Variants in POU6F1 observed in about 807,000 individuals in gnomAD.
POU6F1 encodes POU class 6 homeobox 1.
A neutral mutation model predicts 28.9 loss-of-function variants in POU6F1; 9 were observed. The ratio of observed to expected loss-of-function variants is 0.31; its 90% confidence interval spans 0.19 to 0.54. The LOEUF (loss-of-function observed/expected upper bound fraction) is 0.54. POU6F1 is among the 20% of genes least tolerant of loss of function. POU6F1 has a pLI of 0.94. For missense variants in POU6F1, 338 were observed against 426.1 expected, an observed-to-expected ratio of 0.79 and a Z score of 1.82; for synonymous variants, 173 against 171.1, an observed-to-expected ratio of 1.01 and a Z score of -0.09.
At chr12:51,210,152 C>T (rs1229082930) in intron 1 of POU6F1, among the ~76,000 whole-genome samples, 1 of 152,068 alleles carries the variant, frequency 6.6e-6, no homozygotes, top group Non-Finnish European at 1.5e-5. Context: ...TGAGGTCTCA[C>T]TATGTTGCCA....
At chr12:51,213,227 G>A (rs979773009) in intron 1 of POU6F1, among the ~76,000 whole-genome samples, 3 of 150,408 alleles carry the variant, frequency 2.0e-5, no homozygotes, top group South Asian at 2.1e-4. Context: ...GTGAGCCACC[G>A]CGCCCGGCCT....
At position 51,190,595 on chromosome 12, in the gene POU6F1, G is replaced by A; in HGVS notation, c.1491-3C>T. The A allele has an allele frequency of 6.2e-7, 1 of 1,611,768 alleles. No individual in the cohort carries two copies. Among genetic ancestry groups the A allele is most frequent in the Non-Finnish European group, 8.5e-7 (1 of 1,178,430 alleles). On this transcript the variant is annotated splice_region_variant and splice_polypyrimidine_tract_variant and intron_variant, in intron 10 of 10. Transcript: ENST00000333640. This position sits in a 1 kb window ranked among gnomAD's most constrained non-coding sequence, Gnocchi z 4.5. ...GTGTGATGTCTAGCTTCTCGAACCT[G>A]TGGGCAACCCATACCCAGGAAGAGG...
chr12:51,217,808 G>C lies in POU6F1; in HGVS notation c.-214C>G, dbSNP rs927669976. ...CTTGGCTGGGCTCGGCTCGGCCCGG[G>C]AGCTGGTCGGGACCCGCCGCCGCCC... On this transcript the variant is annotated 5_prime_UTR_variant, in exon 1 of 11. Coordinates refer to ENST00000333640, the MANE Select transcript of POU6F1 (RefSeq NM_001330422.2). The surrounding 1 kb of genome is among the most constrained non-coding windows in gnomAD (Gnocchi z 5.3). 4 of 151,442 alleles carry C rather than the reference G, an allele frequency of 2.6e-5. No individual in the cohort carries two copies. The highest frequency in any genetic ancestry group is 5.9e-5 in the Non-Finnish European group (4 of 67,696). The allele number at this position is 151,442 out of a possible 1,614,324, so 9.4% of individuals were successfully genotyped here.
rs1391665334 is a variant in POU6F1 at position 51,198,559 on chromosome 12, C to G, written c.583G>C (p.Gly195Arg). 1 of 399,170 alleles carries G rather than the reference C, an allele frequency of 2.5e-6. No homozygotes were observed. The highest frequency in any genetic ancestry group is 1.3e-4 in the South Asian group (1 of 7,864). The allele number at this position is 399,170 out of a possible 1,614,324, so 24.7% of individuals were successfully genotyped here. A position where few individuals can be genotyped will look rare whatever the true frequency, so the allele number is the denominator to read the frequency against. ...TGGVFKPPLA[G>R]LQAAAVLNTA... Reference sequence around the variant, plus strand: ...GAAGAGTTGCCGTTACCTTGGAGACCGGCTAAAGGTGGCTTGAACACTCCC... The same window carrying G: ...GAAGAGTTGCCGTTACCTTGGAGACGGGCTAAAGGTGGCTTGAACACTCCC... The change falls in exon 5 of 11, where the codon GGT becomes CGT. Residue 195 changes from glycine to arginine, a missense_variant. By Grantham distance (125) the Gly-to-Arg change is moderately radical. This residue lies in a region of POU6F1 where 206 missense variants were observed against 225.6 expected (regional missense o/e 0.91). Transcript: ENST00000333640.
chr12:51,195,766 AG>A (rs2137117542), intron 8 of POU6F1, among the ~76,000 whole-genome samples: 1 of 152,290 alleles, frequency 6.6e-6, no homozygotes, highest in Admixed American at 6.5e-5. Flanking sequence ...GCGTGTGAGT[AG>A]GGGGTCTCGT....
Position 51,204,416 on chromosome 12 carries a change from C to T in POU6F1, c.49-48G>A, listed in dbSNP as rs571090258. ...CTGTTGGGATAGGGGCCAGTATAGC[C>T]GCAGGGTCCAAAGCTCTGGGTATGG... On this transcript the variant is annotated intron_variant, in intron 2 of 10. Transcript: ENST00000333640. 4.8e-5 allele frequency: 19 copies of T among 398,924 alleles called. No individual in the cohort carries two copies. In the South Asian group the frequency reaches 1.5e-3, roughly 33 times the overall value. The allele number at this position is 398,924 out of a possible 1,614,324, so 24.7% of individuals were successfully genotyped here.
chr12:51,210,176 A>T (rs1943896374), intron 1 of POU6F1, among the ~76,000 whole-genome samples: 1 of 151,784 alleles, frequency 6.6e-6, no homozygotes, highest in South Asian at 2.1e-4. Flanking sequence ...CTAGTCTTAA[A>T]CTCCTGTCTC....
intron 2 of POU6F1, among the ~76,000 whole-genome samples, chr12:51,206,030 G>T (rs548495740): frequency 2.0e-5 from 3 of 149,470 alleles, no homozygotes; most frequent in African/African-American, 7.3e-5. Context: ...TGTTGGCCAG[G>T]CTGGTCTCGA....
chr12:51,208,662 T>C (rs1943786477), intron 1 of POU6F1, among the ~76,000 whole-genome samples: 1 of 152,176 alleles, frequency 6.6e-6, no homozygotes, highest in African/African-American at 2.4e-5. Flanking sequence ...TTAGTGCCCA[T>C]ATAAAAAAGA....
rs953370616 is a variant in POU6F1, at chr12:51,188,779, C to G, written c.*1468G>C. On this transcript the variant is annotated 3_prime_UTR_variant, in exon 11 of 11. Coordinates refer to ENST00000333640, the MANE Select transcript of POU6F1 (RefSeq NM_001330422.2). ...CTGGAGGCAGCTGTTAGAGACCAGC[C>G]TCTGTAAGGATAAGAGTACTGAAGA... The G allele has an allele frequency of 6.6e-6, 1 of 152,182 alleles. No homozygotes were observed. The highest frequency in any genetic ancestry group is 1.5e-5 in the Non-Finnish European group (1 of 68,060). The allele number at this position is 152,182 out of a possible 1,614,324, so 9.4% of individuals were successfully genotyped here.
At position 51,191,670 on chromosome 12, in the gene POU6F1, G is replaced by C. The variant is rs756270693; in HGVS notation, c.1416C>G (p.Gly472=). Residue 472 remains glycine (G), a synonymous_variant, in exon 10 of 11, where the codon GGC becomes GGG. Transcript: ENST00000333640. ...KNFKIRRLSL[G]LTQTQVGQAL... is the part of the protein sequence containing the mutation. ...CCTGACCCACCTGGGTCTGTGTAAG[G>C]CCCAGCGAGAGCCGCCGGATCTTAA... The C allele has an allele frequency of 6.2e-7, 1 of 1,614,060 alleles. No individual in the cohort carries two copies. The highest frequency in any genetic ancestry group is 8.5e-7 in the Non-Finnish European group (1 of 1,180,048).
rs147574426 is a variant in POU6F1, at chr12:51,193,498, C to T, written c.1180-1027G>A. On this transcript the variant is annotated intron_variant, in intron 8 of 10. Coordinates refer to ENST00000333640, the MANE Select transcript of POU6F1 (RefSeq NM_001330422.2). ...GGCTGAGGCAGGAGAATCGCTTGAACACGGGAGGCAGAGATTGCAGTAAGC... is the reference window on the plus strand; with the variant it reads ...GGCTGAGGCAGGAGAATCGCTTGAATACGGGAGGCAGAGATTGCAGTAAGC... Among the ~76,000 whole-genome samples the T allele has an allele frequency of 1.5e-3, 221 of 152,198 alleles. 2 individuals are homozygous for T. Among genetic ancestry groups the T allele is most frequent in the African/African-American group, 5.0e-3 (207 of 41,510 alleles).
At chr12:51,195,757 C>T (rs1488472119) in intron 8 of POU6F1, among the ~76,000 whole-genome samples, 1 of 152,106 alleles carries the variant, frequency 6.6e-6, no homozygotes, top group Admixed American at 6.5e-5. Flanking sequence ...ATTTTGGGTG[C>T]GTGTGAGTAG....
Position 51,197,799 on chromosome 12 carries a change from G to A in POU6F1, c.817C>T (p.Pro273Ser). 1 of 394,210 alleles carries A rather than the reference G, an allele frequency of 2.5e-6. No individual in the cohort carries two copies. Among genetic ancestry groups the A allele is most frequent in the Non-Finnish European group, 4.5e-6 (1 of 223,474 alleles). The allele number at this position is 394,210 out of a possible 1,614,324, so 24.4% of individuals were successfully genotyped here. ...CCTGGGCTAAATGCGAAGCCTGCAG[G>A]CTGGACGGTGATCTGTGGGGGGGTG... Reference protein sequence around the residue: ...VDTPPQITVQPAGFAFSPGII... With the variant: ...VDTPPQITVQSAGFAFSPGII... The change falls in exon 6 of 11, where the codon CCT (proline) becomes TCT (serine). Residue 273 changes from proline to serine, a missense_variant. By Grantham distance (74) the Pro-to-Ser change is moderately conservative. This residue lies in a region of POU6F1 where 206 missense variants were observed against 225.6 expected (regional missense o/e 0.91). Coordinates refer to ENST00000333640, the MANE Select transcript of POU6F1 (RefSeq NM_001330422.2).
intron 1 of POU6F1, among the ~76,000 whole-genome samples, chr12:51,215,576 AAGAG>A (rs1555163547): frequency 6.6e-6 from 1 of 150,896 alleles, no homozygotes; most frequent in Non-Finnish European, 1.5e-5. Context: ...AAAAAAAAAA[AAGAG>A]AGATTTCCAA....
rs1942112865 is a variant in POU6F1, at chr12:51,187,713, G to C, written c.*2534C>G. ...TTTGGGAAGACAAATTTAAATGAGG[G>C]AGGGGCTGAGAAAGCATGGCCAGGC... On this transcript the variant is annotated 3_prime_UTR_variant, in exon 11 of 11. Transcript: ENST00000333640. 6.6e-6 allele frequency: 1 copy of C among 152,228 alleles called. No homozygotes were observed. The highest frequency in any genetic ancestry group is 2.4e-5 in the African/African-American group (1 of 41,446). The allele number at this position is 152,228 out of a possible 1,614,324, so 9.4% of individuals were successfully genotyped here.
chr12:51,208,229 T>C (rs75602756), intron 1 of POU6F1, among the ~76,000 whole-genome samples: 12,402 of 151,690 alleles, frequency 0.082, 719 homozygotes, highest in East Asian at 0.29. Context: ...CGCTTGAGCC[T>C]GGGAGGCAGA....
intron 1 of POU6F1, among the ~76,000 whole-genome samples, chr12:51,208,219 CGCTTGAGCCT>C (rs1199699949): frequency 6.6e-4 from 101 of 151,956 alleles, no homozygotes; most frequent in East Asian, 7.7e-4. Flanking sequence ...GTGGGAAGAT[CGCTTGAGCCT>C]GGGAGGCAGA....
At chr12:51,208,209 GTGGGAAGAT>G (rs1486139960) in intron 1 of POU6F1, among the ~76,000 whole-genome samples, 30 of 152,030 alleles carry the variant, frequency 2.0e-4, no homozygotes, top group Middle Eastern at 3.4e-3. Flanking sequence ...AGCCTGGGAG[GTGGGAAGAT>G]CGCTTGAGCC....
Sources: gnomAD v4.1 joint callset for allele counts (sites outside exome capture counted in the v4.1 genomes callset) on GRCh38, gnomAD v4.1.1 for gene constraint, gnomAD v4.1.1 regional missense constraint, Gnocchi (gnomAD v3.1) non-coding constraint, MANE v1.5 for transcripts, NCBI Gene and HGNC (gene_info 2026-07-23, HGNC 2026-07-21) for gene names.